ANKIB1: variants seen among roughly 807,000 people sequenced by gnomAD.
ANKIB1 encodes the protein ankyrin repeat and IBR domain containing 1.
In ANKIB1, 43 loss-of-function variants were observed where a neutral mutation model predicts 122.1. That is an observed-to-expected ratio of 0.35 (90% CI 0.28 to 0.45). The LOEUF (loss-of-function observed/expected upper bound fraction) is 0.45, where lower values mean the gene tolerates loss of function less well. Among genes scored for constraint, ANKIB1 ranks in the 20% least tolerant of loss-of-function variants. The probability of loss-of-function intolerance (pLI) is 1.00; values close to 1 mark genes in which losing one functional copy is unlikely to be tolerated. For synonymous variants in ANKIB1, 390 were observed against 442.0 expected (o/e 0.88, Z 1.48); for missense variants, 992 against 1,329.5 (o/e 0.75, Z 3.95).
At chr7:92,278,526 A>C (rs1801950609) in intron 1 of ANKIB1, among the ~76,000 whole-genome samples, 1 of 152,174 alleles carries the variant, frequency 6.6e-6, no homozygotes, top group African/African-American at 2.4e-5. Flanking sequence ...TTGTTACAAA[A>C]TGTGTCCCAT....
chr7:92,340,882 A>G (rs1340633430), intron 5 of ANKIB1, among the ~76,000 whole-genome samples: 1 of 152,258 alleles, frequency 6.6e-6, no homozygotes, highest in Non-Finnish European at 1.5e-5. Flanking sequence ...ATGTTTGAAT[A>G]CATCCATTGT....
chr7:92,327,799 G>T lies in ANKIB1; in HGVS notation c.686G>T (p.Arg229Met). 6.4e-7 allele frequency: 1 copy of T among 1,574,210 alleles called. No homozygotes were observed. The highest frequency in any genetic ancestry group is 1.4e-5 in the African/African-American group (1 of 72,144). The change falls in exon 5 of 20, where the codon AGG (arginine) becomes ATG (methionine). Residue 229 changes from arginine to methionine, a missense_variant. Physicochemically the swap from Arg to Met is moderately conservative, Grantham distance 91 (BLOSUM62 -1). Transcript: ENST00000265742. ...LDKREPYEGL[R>M]PQDLRRLKDM... ...TTTTCAAAGCCATATGAAGGATTAAGGCCTCAGGATCTTCGTAGACTAAAA... is the reference window on the plus strand; with the variant it reads ...TTTTCAAAGCCATATGAAGGATTAATGCCTCAGGATCTTCGTAGACTAAAA...
At chr7:92,362,341 T>C in intron 10 of ANKIB1, 68 bp downstream of exon 10, 2 of 1,377,692 alleles carry the variant, frequency 1.5e-6, no homozygotes, top group East Asian at 2.5e-5. Context: ...TGTGGTCATA[T>C]CTTTTTTAGT....
chr7:92,335,114 T>C (rs562532803), intron 5 of ANKIB1, among the ~76,000 whole-genome samples: 1 of 152,050 alleles, frequency 6.6e-6, no homozygotes, highest in South Asian at 2.1e-4. Flanking sequence ...AGTTTGTATG[T>C]TGTATTTTCT....
intron 1 of ANKIB1, among the ~76,000 whole-genome samples, chr7:92,267,562 C>A (rs547662334): frequency 6.6e-6 from 1 of 152,136 alleles, no homozygotes; most frequent in East Asian, 1.9e-4. Flanking sequence ...TTTTATTTGT[C>A]TTGTATATCT....
chr7:92,351,000 C>G lies in ANKIB1; in HGVS notation c.1136C>G (p.Pro379Arg). The stretch of plus-strand genomic sequence containing the variant: ...GGTGAAGCTCACAACATTTTTTGCC[C>G]TGCATATGATTGCTTCCAACTTGTA... ...QEGEAHNIFCPAYDCFQLVPV... is the reference protein window; with the variant it reads ...QEGEAHNIFCRAYDCFQLVPV... The change falls in exon 8 of 20, where the codon CCT (proline) becomes CGT (arginine). Residue 379 changes from proline to arginine, a missense_variant. This residue lies in a region of ANKIB1 where 521 missense variants were observed against 777.7 expected (regional missense o/e 0.67). Transcript: ENST00000265742. The G allele has an allele frequency of 6.2e-7, 1 of 1,606,118 alleles. No individual in the cohort carries two copies. Among genetic ancestry groups the G allele is most frequent in the Non-Finnish European group, 8.5e-7 (1 of 1,176,282 alleles).
chr7:92,386,493 G>A lies in ANKIB1; in HGVS notation c.1618-16G>A, dbSNP rs746778455. The stretch of plus-strand genomic sequence containing the variant: ...TTAATATGGGGAGATGTTTTCATCT[G>A]TGTTTTCTTTTGAAGTGCAAGTATG... On this transcript the variant is annotated splice_polypyrimidine_tract_variant and intron_variant, in intron 11 of 19. Coordinates refer to ENST00000265742, the MANE Select transcript of ANKIB1 (RefSeq NM_019004.2). The A allele has an allele frequency of 3.2e-5, 50 of 1,577,548 alleles. No homozygotes were observed. The South Asian group carries it at 5.6e-4, about 18-fold the overall frequency.
intron 2 of ANKIB1, among the ~76,000 whole-genome samples, chr7:92,297,723 G>A (rs1802384789): frequency 6.6e-6 from 1 of 151,846 alleles, no homozygotes; most frequent in Admixed American, 6.6e-5. Context: ...TTTTACTAAA[G>A]CATAGCCTTT....
chr7:92,319,635 G>A (rs1802863142), intron 4 of ANKIB1, 123 bp downstream of exon 4: 1 of 971,838 alleles, frequency 1.0e-6, no homozygotes, highest in Admixed American at 2.8e-5. Context: ...TAAATATCCT[G>A]TCATCTTCAT....
intron 11 of ANKIB1, among the ~76,000 whole-genome samples, chr7:92,377,912 A>G (rs1357426513): frequency 6.6e-6 from 1 of 152,106 alleles, no homozygotes; most frequent in East Asian, 1.9e-4. Flanking sequence ...GGGGCCGGTA[A>G]TTCTAATTTT....
At chr7:92,365,827 C>T (rs1276445401) in intron 10 of ANKIB1, among the ~76,000 whole-genome samples, 3 of 101,466 alleles carry the variant, frequency 3.0e-5, no homozygotes, top group African/African-American at 8.1e-5. Flanking sequence ...GAGACAGTCT[C>T]GCTCTGTCGC....
chr7:92,274,028 C>T (rs1801850540), intron 1 of ANKIB1, among the ~76,000 whole-genome samples: 1 of 152,090 alleles, frequency 6.6e-6, no homozygotes, highest in Admixed American at 6.5e-5. Context: ...CCACCTCCGG[C>T]CTCCCAAAAG....
chr7:92,302,663 A>G lies in ANKIB1; in HGVS notation c.189-4696A>G, dbSNP rs182732500. On this transcript the variant is annotated intron_variant, in intron 2 of 19. Transcript: ENST00000265742. ...TTTGGAAATAAAATAGAAAATATTTATTAGAGCCTGTCTTTATTAGAGCAC... is the reference window on the plus strand; with the variant it reads ...TTTGGAAATAAAATAGAAAATATTTGTTAGAGCCTGTCTTTATTAGAGCAC... Among the ~76,000 whole-genome samples the G allele has an allele frequency of 1.1e-4, 17 of 152,322 alleles. No individual in the cohort carries two copies. In the East Asian group the frequency reaches 3.3e-3, roughly 29 times the overall value.
chr7:92,302,066 TG>T (rs1358846437), intron 2 of ANKIB1, among the ~76,000 whole-genome samples: 1 of 152,042 alleles, frequency 6.6e-6, no homozygotes, highest in Non-Finnish European at 1.5e-5. Flanking sequence ...CCCAAGTAGC[TG>T]GGATTACAGG....
At chr7:92,343,274 T>A in intron 6 of ANKIB1, 42 bp downstream of exon 6, 1 of 1,528,676 alleles carries the variant, frequency 6.5e-7, no homozygotes, top group Non-Finnish European at 9.0e-7. Context: ...GCTTTGTTTA[T>A]AGTCTTTTAA....
rs1436055197 is a variant in ANKIB1, at chr7:92,292,212, C to T, written c.-90-2677C>T. 2.0e-5 allele frequency among the ~76,000 whole-genome samples: 3 copies of T among 152,088 alleles called. No individual in the cohort carries two copies. In the East Asian group the frequency reaches 5.8e-4, roughly 29 times the overall value. On this transcript the variant is annotated intron_variant, in intron 1 of 19. Coordinates refer to ENST00000265742, the MANE Select transcript of ANKIB1 (RefSeq NM_019004.2). ...AATCTGAGGGGAATTGAGCTGTGAC[C>T]GTTTAGATGATGCATTTCTTAGTGA...
intron 17 of ANKIB1, among the ~76,000 whole-genome samples, chr7:92,392,786 A>T (rs1804813315): frequency 6.6e-6 from 1 of 152,086 alleles, no homozygotes; most frequent in Non-Finnish European, 1.5e-5. Flanking sequence ...GCTTATCTTT[A>T]AGACTTTCAC....
intron 11 of ANKIB1, among the ~76,000 whole-genome samples, chr7:92,376,452 A>ATTTT (rs548431066): frequency 2.2e-5 from 3 of 135,886 alleles, no homozygotes; most frequent in East Asian, 4.2e-4. Flanking sequence ...TTTATTTTTT[A>ATTTT]TTTTTTTTTT....
intron 5 of ANKIB1, among the ~76,000 whole-genome samples, chr7:92,335,379 A>G (rs1803266176): frequency 6.6e-6 from 1 of 151,998 alleles, no homozygotes; most frequent in African/African-American, 2.4e-5. Flanking sequence ...ATAGTGTTCT[A>G]TAAATGTTAA....
Sources: gnomAD v4.1 joint callset for allele counts (sites outside exome capture counted in the v4.1 genomes callset) on GRCh38, gnomAD v4.1.1 for gene constraint, gnomAD v4.1.1 regional missense constraint, MANE v1.5 for transcripts, NCBI Gene and HGNC (gene_info 2026-07-23, HGNC 2026-07-21) for gene names.